The following TENM2 variants were observed in gnomAD, a reference collection of about 807,000 sequenced individuals.
TENM2 encodes the protein teneurin-2.
In TENM2, 52 loss-of-function variants were observed where a neutral mutation model predicts 245.2. The ratio of observed to expected loss-of-function variants is 0.21; its 90% CI spans 0.17 to 0.27. TENM2 has a LOEUF of 0.27. TENM2 is among the 10% of genes least tolerant of loss of function. The pLI is 1.00. For missense variants in TENM2, 3,046 were observed against 3,666.8 expected (o/e 0.83, Z 4.37); for synonymous variants, 1,363 against 1,438.9 (o/e 0.95, Z 1.19).
intron 2 of TENM2, among the ~76,000 whole-genome samples, chr5:167,411,584 G>GTC (rs1214849500): frequency 1.3e-5 from 2 of 149,842 alleles, no homozygotes; most frequent in African/African-American, 4.9e-5. Flanking sequence ...GTGTGTGTGT[G>GTC]TGTGTGTGTG....
intron 2 of TENM2, among the ~76,000 whole-genome samples, chr5:167,717,479 G>C (rs114291767): frequency 6.6e-6 from 1 of 152,024 alleles, no homozygotes; most frequent in Non-Finnish European, 1.5e-5. Flanking sequence ...ATGGACATAG[G>C]CACCTCATAC....
intron 2 of TENM2, among the ~76,000 whole-genome samples, chr5:167,568,646 G>GGTGTGTGTGTGTGT (rs3138740): frequency 4.9e-4 from 70 of 142,620 alleles, no homozygotes; most frequent in African/African-American, 1.7e-3. Context: ...CAGAGACCAT[G>GGTGTGTGTGTGTGT]GTGTGTGTGT....
the TENM2 span, among the ~76,000 whole-genome samples, chr5:167,206,585 C>T: frequency 6.6e-6 from 1 of 152,198 alleles, no homozygotes; most frequent in Non-Finnish European, 1.5e-5. Context: ...AAACCACTTA[C>T]TTTATATAGG....
chr5:168,107,291 C>T (rs13155210), intron 9 of TENM2, among the ~76,000 whole-genome samples: 62,126 of 151,902 alleles, frequency 0.41, 13,435 homozygotes, highest in Non-Finnish European at 0.45. Context: ...CGGCTACCAA[C>T]CTCTCCATGA....
At chr5:167,347,172 C>T (rs985960918) in intron 1 of TENM2, among the ~76,000 whole-genome samples, 2 of 151,822 alleles carry the variant, frequency 1.3e-5, no homozygotes, top group Non-Finnish European at 2.9e-5. Context: ...ATAAAAAGAC[C>T]GAATCTTTTT....
the TENM2 span, among the ~76,000 whole-genome samples, chr5:167,163,489 T>A: frequency 6.6e-6 from 1 of 152,098 alleles, no homozygotes; most frequent in Non-Finnish European, 1.5e-5. Context: ...AAAATATATA[T>A]CCTGGAAAGA....
At chr5:168,084,770 C>T (rs1354428094) in intron 7 of TENM2, among the ~76,000 whole-genome samples, 1 of 152,192 alleles carries the variant, frequency 6.6e-6, no homozygotes, top group Admixed American at 6.5e-5. Flanking sequence ...AGACCAAGTA[C>T]AGCCAACACC....
chr5:167,901,457 C>G (rs1404361882), intron 3 of TENM2, among the ~76,000 whole-genome samples: 1 of 152,192 alleles, frequency 6.6e-6, no homozygotes, highest in Admixed American at 6.5e-5. Flanking sequence ...CACCATGAAC[C>G]AGCACGCAGT....
At chr5:167,683,680 A>G (rs1238345619) in intron 2 of TENM2, among the ~76,000 whole-genome samples, 3 of 152,168 alleles carry the variant, frequency 2.0e-5, no homozygotes, top group Non-Finnish European at 4.4e-5. Context: ...TGAAAGGGGC[A>G]CCTGACATTA....
intron 2 of TENM2, among the ~76,000 whole-genome samples, chr5:167,768,492 C>T (rs1763187366): frequency 6.6e-6 from 1 of 152,168 alleles, no homozygotes; most frequent in Non-Finnish European, 1.5e-5. Flanking sequence ...ATTTGGGCTT[C>T]CTATGGAGCC....
At chr5:167,971,367 T>C (rs1298482181) in intron 4 of TENM2, among the ~76,000 whole-genome samples, 2 of 68,598 alleles carry the variant, frequency 2.9e-5, no homozygotes, top group Admixed American at 3.7e-4. Flanking sequence ...TTAGAAAATA[T>C]TAGAAGGAGT....
intron 13 of TENM2, among the ~76,000 whole-genome samples, chr5:168,174,539 C>T (rs1406376841): frequency 6.6e-6 from 1 of 152,212 alleles, no homozygotes; most frequent in African/African-American, 2.4e-5. Context: ...CTCAGAGTTT[C>T]AGATTCAGTA....
Position 168,226,922 on chromosome 5 carries a change from G to A in TENM2, c.5284+659G>A, listed in dbSNP as rs532694678. On this transcript the variant is annotated intron_variant, in intron 24 of 28. Coordinates refer to ENST00000518659, the Ensembl canonical transcript of TENM2. ...TAGCCCGTTGTCAGAGGATAAAAGTGTCCTCTCAGTAGATAAATGGTGACA... is the reference window on the plus strand; with the variant it reads ...TAGCCCGTTGTCAGAGGATAAAAGTATCCTCTCAGTAGATAAATGGTGACA... Among the ~76,000 whole-genome samples, 6 of 152,312 alleles carry A rather than the reference G, an allele frequency of 3.9e-5. No individual in the cohort carries two copies. In the East Asian group the frequency reaches 1.2e-3, roughly 29 times the overall value.
At chr5:167,970,185 G>A (rs1781670887) in intron 4 of TENM2, among the ~76,000 whole-genome samples, 1 of 152,194 alleles carries the variant, frequency 6.6e-6, no homozygotes, top group South Asian at 2.1e-4. Flanking sequence ...CCAATAAGAA[G>A]TCGAAAAAAT....
chr5:167,058,995 T>C, the TENM2 span, among the ~76,000 whole-genome samples: 1 of 152,172 alleles, frequency 6.6e-6, no homozygotes, highest in Admixed American at 6.5e-5. Flanking sequence ...TGAACCTAAA[T>C]GCTTATTACA....
At chr5:168,092,313 G>T (rs1793012466) in intron 8 of TENM2, among the ~76,000 whole-genome samples, 1 of 152,218 alleles carries the variant, frequency 6.6e-6, no homozygotes, top group African/African-American at 2.4e-5. Flanking sequence ...GCAGGAGTTG[G>T]CTCCACTGTA....
intron 7 of TENM2, among the ~76,000 whole-genome samples, chr5:168,069,384 C>T (rs1790786716): frequency 6.6e-6 from 1 of 152,176 alleles, no homozygotes; most frequent in Non-Finnish European, 1.5e-5. Flanking sequence ...ATTGAAGCCC[C>T]TCTCAGTAAG....
intron 3 of TENM2, among the ~76,000 whole-genome samples, chr5:167,899,337 A>G (rs750350805): frequency 6.6e-6 from 1 of 152,222 alleles, no homozygotes; most frequent in Non-Finnish European, 1.5e-5. Flanking sequence ...CAGCAATACC[A>G]AACGCCAAAG....
chr5:167,617,464 A>T (rs986770132), intron 2 of TENM2, among the ~76,000 whole-genome samples: 1 of 152,196 alleles, frequency 6.6e-6, no homozygotes, highest in African/African-American at 2.4e-5. Flanking sequence ...AAAAGTCAAA[A>T]AATTCAATGT....
Sources: gnomAD v4.1 joint callset for allele counts (sites outside exome capture counted in the v4.1 genomes callset) on GRCh38, gnomAD v4.1.1 for gene constraint, MANE v1.5 for transcripts, NCBI Gene and HGNC (gene_info 2026-07-23, HGNC 2026-07-21) for gene names.